The following CANX variants were observed in gnomAD, a reference collection of about 807,000 sequenced individuals.
CANX encodes the protein epididymis secretory sperm binding protein.
A neutral mutation model predicts 75.7 loss-of-function variants in CANX; 14 were observed. The ratio of observed to expected loss-of-function variants is 0.19; its 90% CI spans 0.12 to 0.29. CANX has a LOEUF of 0.29. Ranked by LOEUF, CANX falls within the 10% of genes least tolerant of loss-of-function variation. The pLI is 1.00. For missense variants in CANX, 567 were observed against 713.2 expected (o/e 0.79, Z 2.34); for synonymous variants, 227 against 236.9 (o/e 0.96, Z 0.38).
intron 1 of CANX, chr5:179,679,396 A>C: frequency 1.3e-6 from 1 of 765,778 alleles, no homozygotes; most frequent in Non-Finnish European, 2.0e-6. Flanking sequence ...GCCACCGAGG[A>C]GCCCGTCGTT....
intron 1 of CANX, among the ~76,000 whole-genome samples, chr5:179,683,066 C>T (rs1776110354): frequency 1.3e-5 from 2 of 152,216 alleles, no homozygotes; most frequent in African/African-American, 4.8e-5. Context: ...GTGGTGGTGC[C>T]ACCTCCTAGG....
chr5:179,716,306 G>A lies in CANX; in HGVS notation c.911+12G>A. 1 of 1,606,204 alleles carries A rather than the reference G, an allele frequency of 6.2e-7. No individual in the cohort carries two copies. The highest frequency in any genetic ancestry group is 8.5e-7 in the Non-Finnish European group (1 of 1,174,714). On this transcript the variant is annotated intron_variant, in intron 8 of 14. Transcript: ENST00000247461. Reference sequence around the variant, plus strand: ...AAGCCAGATGACTGGTGAGTCTTGGGGAACTGTCTTCAAGTGTAAGGGAGC... The same window carrying A: ...AAGCCAGATGACTGGTGAGTCTTGGAGAACTGTCTTCAAGTGTAAGGGAGC...
In CANX at chr5:179,688,514, C is replaced by T. The variant is rs9329086; in HGVS notation, c.-4+9737C>T. On this transcript the variant is annotated intron_variant, in intron 1 of 14. Coordinates refer to the CANX transcript ENST00000681674. Reference sequence around the variant, plus strand: ...AACTAGCTGGGAATATAGGTGCCCACCACCACGCGCAGCTCATTTTTTGTA... The same window carrying T: ...AACTAGCTGGGAATATAGGTGCCCATCACCACGCGCAGCTCATTTTTTGTA... 3.2e-3 allele frequency among the ~76,000 whole-genome samples: 479 copies of T among 151,246 alleles called. 2 individuals carry two copies. Among genetic ancestry groups the T allele is most frequent in the African/African-American group, 0.011 (463 of 41,294 alleles).
At chr5:179,706,216 C>G (rs780839980) in intron 2 of CANX, 42 bp from the exon 3 acceptor site, 43 of 1,125,098 alleles carry the variant, frequency 3.8e-5, no homozygotes, top group Non-Finnish European at 5.0e-5. Context: ...AGGCATGTTG[C>G]TGAAAATTTA....
intron 1 of CANX, chr5:179,678,938 A>C: frequency 6.5e-7 from 1 of 1,535,280 alleles, no homozygotes; most frequent in Non-Finnish European, 8.7e-7. Context: ...GCTGAGGCGC[A>C]TGCACGGCGC....
intron 8 of CANX, 36 bp downstream of exon 8, chr5:179,716,330 G>A (rs1777951114): frequency 1.3e-6 from 2 of 1,494,592 alleles, no homozygotes; most frequent in African/African-American, 1.4e-5. Flanking sequence ...GTGTAAGGGA[G>A]CATTTCATAT....
chr5:179,687,061 G>A (rs1300834805), intron 1 of CANX, among the ~76,000 whole-genome samples: 1 of 152,168 alleles, frequency 6.6e-6, no homozygotes, highest in Non-Finnish European at 1.5e-5. Flanking sequence ...ACAGGCATGA[G>A]CCACTGCACC....
chr5:179,690,271 A>G (rs974118832), intron 1 of CANX, among the ~76,000 whole-genome samples: 3 of 152,138 alleles, frequency 2.0e-5, no homozygotes, highest in Non-Finnish European at 4.4e-5. Context: ...TCTCTGTGCT[A>G]ATATAGTTTT....
upstream of CANX, among the ~76,000 whole-genome samples, chr5:179,696,980 T>C (rs1299219752): frequency 6.6e-6 from 1 of 152,234 alleles, no homozygotes; most frequent in Non-Finnish European, 1.5e-5. Context: ...ATATCTGTCA[T>C]GGTGATCCAG....
intron 3 of CANX, 113 bp downstream of exon 3, chr5:179,706,444 T>C (rs1276741692): frequency 1.9e-6 from 1 of 529,340 alleles, no homozygotes; most frequent in Non-Finnish European, 3.3e-6. Flanking sequence ...TTTATTTTAT[T>C]TTATTTATTT....
intron 2 of CANX, 128 bp from the exon 3 acceptor site, chr5:179,706,130 G>C: frequency 3.2e-6 from 2 of 622,666 alleles, no homozygotes; most frequent in Middle Eastern, 3.4e-4. Context: ...CCAATTATAT[G>C]GGTTGAATTT....
intron 12 of CANX, among the ~76,000 whole-genome samples, chr5:179,724,345 T>C (rs901656166): frequency 6.6e-6 from 1 of 152,176 alleles, no homozygotes; most frequent in African/African-American, 2.4e-5. Flanking sequence ...TGTAACTGGA[T>C]CCCAAGTTCC....
chr5:179,698,373 A>G, upstream of CANX: 2 of 1,201,582 alleles, frequency 1.7e-6, no homozygotes, highest in East Asian at 6.0e-5. Context: ...GGGCCGAGCC[A>G]TGACTCTGCA....
intron 1 of CANX, among the ~76,000 whole-genome samples, chr5:179,684,926 ATTTTTTTTTTT>A (rs71001039): frequency 4.9e-4 from 24 of 49,140 alleles, no homozygotes; most frequent in African/African-American, 2.1e-3. Context: ...CTAATTTTGT[ATTTTTTTTTTT>A]TTTTTTTTTT....
chr5:179,726,630 A>G (rs1034841097), intron 13 of CANX, 50 bp from the exon 14 acceptor site: 1 of 1,304,620 alleles, frequency 7.7e-7, no homozygotes, highest in Admixed American at 1.9e-5. Context: ...GCTAATATAT[A>G]ATCACCAAAA....
intron 10 of CANX, among the ~76,000 whole-genome samples, chr5:179,721,070 C>T (rs890994244): frequency 2.6e-5 from 4 of 151,880 alleles, no homozygotes; most frequent in Non-Finnish European, 4.4e-5. Flanking sequence ...GCGTGAGCCA[C>T]TGCATCTGGT....
At position 179,699,512 on chromosome 5, in the gene CANX, G is replaced by A. The variant is rs372625461; in HGVS notation, c.-4+410G>A. Reference sequence around the variant, plus strand: ...GGTACCCCTAGTAGTAGGGAAGGGTGGTATTAGACCGAGAGGGAATGTTTA... The same window carrying A: ...GGTACCCCTAGTAGTAGGGAAGGGTAGTATTAGACCGAGAGGGAATGTTTA... On this transcript the variant is annotated intron_variant, in intron 1 of 14. Coordinates refer to ENST00000247461, the MANE Select transcript of CANX (RefSeq NM_001746.4). 15 of 152,322 alleles carry A rather than the reference G, an allele frequency of 9.8e-5. No individual in the cohort carries two copies. In the East Asian group the frequency reaches 2.9e-3, roughly 29 times the overall value. The allele number at this position is 152,322 out of a possible 1,614,324, so 9.4% of individuals were successfully genotyped here.
At chr5:179,708,470 G>C in intron 5 of CANX, 90 bp downstream of exon 5, 1 of 1,235,350 alleles carries the variant, frequency 8.1e-7, no homozygotes, top group South Asian at 1.6e-5. Flanking sequence ...AAAAAATTAT[G>C]AGATTATATA....
At chr5:179,700,220 T>C (rs553559491) in intron 1 of CANX, 2 of 152,298 alleles carry the variant, frequency 1.3e-5, no homozygotes, top group Non-Finnish European at 2.9e-5. Flanking sequence ...TTGAGGGAAG[T>C]TAAACTGAGC....
Sources: gnomAD v4.1 joint callset for allele counts (sites outside exome capture counted in the v4.1 genomes callset) on GRCh38, gnomAD v4.1.1 for gene constraint, MANE v1.5 for transcripts, NCBI Gene and HGNC (gene_info 2026-07-23, HGNC 2026-07-21) for gene names.